The following DCC variants were observed in gnomAD, a reference collection of about 807,000 sequenced individuals.
DCC encodes the protein netrin receptor DCC.
Under a neutral mutation model 172.5 loss-of-function variants are expected in DCC, and 58 were observed. The ratio of observed to expected loss-of-function variants is 0.34; its 90% confidence interval spans 0.27 to 0.42. The LOEUF is 0.42. Among genes scored for constraint, DCC ranks in the 10% least tolerant of loss-of-function variants. DCC has a pLI of 1.00. For missense variants in DCC, 1,740 were observed against 1,791.0 expected (o/e 0.97, Z 0.51); for synonymous variants, 709 against 644.5 (o/e 1.10, Z -1.52).
chr18:52,469,046 T>G (rs1043787043), intron 1 of DCC, among the ~76,000 whole-genome samples: 11 of 150,538 alleles, frequency 7.3e-5, no homozygotes, highest in Non-Finnish European at 1.5e-4. Flanking sequence ...TTTATTTATT[T>G]ATTTATTTAT....
At chr18:52,854,025 T>G (rs2039015723) in intron 2 of DCC, among the ~76,000 whole-genome samples, 1 of 152,222 alleles carries the variant, frequency 6.6e-6, no homozygotes, top group South Asian at 2.1e-4. Context: ...TGACTTCAGT[T>G]TACTGGTTTC....
chr18:52,818,735 C>G (rs530713854), intron 2 of DCC, among the ~76,000 whole-genome samples: 35 of 152,260 alleles, frequency 2.3e-4, no homozygotes, highest in South Asian at 8.3e-4. Context: ...TAAACACATA[C>G]TTGGTCATCA....
chr18:52,959,842 T>A (rs2145565852), intron 5 of DCC, among the ~76,000 whole-genome samples: 1 of 152,270 alleles, frequency 6.6e-6, no homozygotes, highest in Non-Finnish European at 1.5e-5. Flanking sequence ...GATACTAGTA[T>A]GTTTTCAGAG....
intron 5 of DCC, among the ~76,000 whole-genome samples, chr18:52,944,636 T>A (rs916027854): frequency 1.3e-5 from 2 of 152,054 alleles, no homozygotes; most frequent in Non-Finnish European, 2.9e-5. Flanking sequence ...AGAAACAGGA[T>A]CACATGGGAA....
In DCC at chr18:52,906,230, G is replaced by A. The variant is rs572137094; in HGVS notation, c.599G>A (p.Ser200Asn). 5.6e-6 allele frequency: 9 copies of A among 1,613,904 alleles called. No individual in the cohort carries two copies. Among genetic ancestry groups the A allele is most frequent in the Admixed American group, 1.7e-5 (1 of 59,982 alleles). Residue 200 changes from serine (S) to asparagine (N), a missense_variant, in exon 3 of 29, where the codon AGC becomes AAC. Around this residue, in one of 2 missense-constraint regions of DCC, gnomAD observed 1,732 missense variants for 1,767.4 expected, o/e 0.98. Coordinates refer to ENST00000442544, the MANE Select transcript of DCC (RefSeq NM_005215.4). ...VVLPSGALQI[S>N]RLQPGDIGIY... ...TTGCCCTCTGGAGCATTGCAGATCA[G>A]CCGACTCCAACCGGGGGACATTGGA...
intron 13 of DCC, among the ~76,000 whole-genome samples, chr18:53,317,912 A>T (rs1239271636): frequency 3.3e-5 from 5 of 151,670 alleles, no homozygotes; most frequent in Non-Finnish European, 2.9e-5. Context: ...CTATTTTGTT[A>T]ATCTTTTCAA....
At chr18:52,944,292 G>C (rs1179200159) in intron 5 of DCC, among the ~76,000 whole-genome samples, 1 of 152,118 alleles carries the variant, frequency 6.6e-6, no homozygotes, top group Non-Finnish European at 1.5e-5. Flanking sequence ...TGTTAGATCT[G>C]AGGGATTGTC....
intron 1 of DCC, among the ~76,000 whole-genome samples, chr18:52,701,753 G>A (rs2036126484): frequency 6.6e-6 from 1 of 152,006 alleles, no homozygotes; most frequent in Non-Finnish European, 1.5e-5. Context: ...TACCTTCTCA[G>A]CCCAATGCAT....
intron 1 of DCC, among the ~76,000 whole-genome samples, chr18:52,539,116 T>C (rs2032367097): frequency 6.6e-6 from 1 of 152,214 alleles, no homozygotes. Flanking sequence ...TGGGATTTCA[T>C]TGTCTCTGAG....
chr18:52,608,529 G>A (rs1184989860), intron 1 of DCC, among the ~76,000 whole-genome samples: 1 of 152,164 alleles, frequency 6.6e-6, no homozygotes, highest in East Asian at 1.9e-4. Flanking sequence ...AGAGAGTATG[G>A]TGTGAGTAAA....
chr18:53,503,400 A>C (rs773284702), intron 27 of DCC, among the ~76,000 whole-genome samples: 2 of 152,274 alleles, frequency 1.3e-5, no homozygotes, highest in East Asian at 1.9e-4. Flanking sequence ...CTTATAATAG[A>C]GTGCTTCCAT....
At chr18:53,151,748 T>C (rs2144379586) in intron 7 of DCC, among the ~76,000 whole-genome samples, 1 of 152,274 alleles carries the variant, frequency 6.6e-6, no homozygotes, top group South Asian at 2.1e-4. Context: ...AATCTACATT[T>C]CTTACTTTTT....
At chr18:52,543,285 T>A (rs2032515746) in intron 1 of DCC, among the ~76,000 whole-genome samples, 1 of 152,224 alleles carries the variant, frequency 6.6e-6, no homozygotes, top group African/African-American at 2.4e-5. Flanking sequence ...AATGTTATCA[T>A]TTCAACATTA....
At chr18:53,485,272 C>T (rs1599204676) in intron 25 of DCC, among the ~76,000 whole-genome samples, 1 of 152,002 alleles carries the variant, frequency 6.6e-6, no homozygotes, top group East Asian at 1.9e-4. Context: ...CTCTAATATA[C>T]ACAATAACAT....
At chr18:53,189,132 T>A (rs532293412) in intron 9 of DCC, among the ~76,000 whole-genome samples, 136 of 152,278 alleles carry the variant, frequency 8.9e-4, no homozygotes, top group African/African-American at 3.2e-3. Context: ...CTGAGCAAAC[T>A]ATGAAGTATA....
At chr18:52,544,435 T>TTTAC (rs1555695601) in intron 1 of DCC, among the ~76,000 whole-genome samples, 1 of 42,862 alleles carries the variant, frequency 2.3e-5, no homozygotes, top group East Asian at 9.0e-4. Context: ...TTTTTTCTGT[T>TTTAC]TTTCTTTCTT....
chr18:53,301,121 C>G (rs1223554500), intron 12 of DCC, among the ~76,000 whole-genome samples: 2 of 146,882 alleles, frequency 1.4e-5, no homozygotes, highest in African/African-American at 2.5e-5. Flanking sequence ...TGGAGTTTTG[C>G]TCTTGTTGCC....
chr18:53,004,429 ATTAT>A (rs1419581026), intron 5 of DCC, among the ~76,000 whole-genome samples: 1 of 152,160 alleles, frequency 6.6e-6, no homozygotes, highest in East Asian at 1.9e-4. Flanking sequence ...TTGGTAAGGA[ATTAT>A]TTATTCAGTT....
rs201548164 is a variant in DCC, at chr18:53,485,688, A to G, written c.3737-1109A>G. On this transcript the variant is annotated intron_variant, in intron 25 of 28. Coordinates refer to ENST00000442544, the MANE Select transcript of DCC (RefSeq NM_005215.4). ...ATAATTTCAATAGCTAGTTTACTAG[A>G]AGCAGCCCTTTTAAAATCTTTTATC... 3.3e-5 allele frequency among the ~76,000 whole-genome samples: 5 copies of G among 152,226 alleles called. No homozygotes were observed. In the East Asian group the frequency reaches 9.6e-4, roughly 29 times the overall value.
Sources: gnomAD v4.1 joint callset for allele counts (sites outside exome capture counted in the v4.1 genomes callset) on GRCh38, gnomAD v4.1.1 for gene constraint, gnomAD v4.1.1 regional missense constraint, MANE v1.5 for transcripts, NCBI Gene and HGNC (gene_info 2026-07-23, HGNC 2026-07-21) for gene names.